Variants in PLCG2 observed in about 807,000 individuals in gnomAD.
PLCG2 encodes 1-phosphatidylinositol 4,5-bisphosphate phosphodiesterase gamma-2.
A neutral mutation model predicts 175.6 loss-of-function variants in PLCG2; 69 were observed. That is an observed-to-expected ratio of 0.39 (90% CI 0.32 to 0.48). The LOEUF (loss-of-function observed/expected upper bound fraction) is 0.48, where lower values mean the gene tolerates loss of function less well. Ranked by LOEUF, PLCG2 falls within the 20% of genes least tolerant of loss-of-function variation. PLCG2 has a pLI of 0.91. For missense variants in PLCG2, 1,798 were observed against 1,650.9 expected (o/e 1.09, Z -1.54); for synonymous variants, 827 against 624.0 (o/e 1.33, Z -4.85).
chr16:81,814,841 C>T (rs1423245421), intron 2 of PLCG2, among the ~76,000 whole-genome samples: 1 of 152,160 alleles, frequency 6.6e-6, no homozygotes, highest in Non-Finnish European at 1.5e-5. Context: ...TTTGTCTCTG[C>T]AGTGGGGATT....
intron 27 of PLCG2, 42 bp downstream of exon 27, chr16:81,936,420 G>T (rs779418251): frequency 6.5e-7 from 1 of 1,537,008 alleles, no homozygotes; most frequent in Non-Finnish European, 9.0e-7. Context: ...GCAAGGTGGC[G>T]GTTGCAGTCA....
At chr16:81,761,446 C>T (rs1043722406) in intron 2 of PLCG2, among the ~76,000 whole-genome samples, 2 of 152,154 alleles carry the variant, frequency 1.3e-5, no homozygotes, top group Non-Finnish European at 2.9e-5. Context: ...GATTATAACA[C>T]AGTACATGGG....
chr16:81,854,843 T>C (rs1441304492), intron 3 of PLCG2, among the ~76,000 whole-genome samples: 1 of 152,146 alleles, frequency 6.6e-6, no homozygotes, highest in Admixed American at 6.5e-5. Flanking sequence ...GAGGAGTATG[T>C]TAAGTGTCTC....
Position 81,907,300 on chromosome 16 carries a change from CG to C in PLCG2, c.1468-380del, listed in dbSNP as rs200135670. Among the ~76,000 whole-genome samples the C allele has an allele frequency of 8.1e-4, 119 of 147,512 alleles. 1 individual carries two copies. Among genetic ancestry groups the C allele is most frequent in the East Asian group, 5.5e-3 (28 of 5,074 alleles). ...AATAAAACCAGAGACTAAATTTCAT[CG>C]GGGGAAAAAAAAAAGAAGTCATTAA... is the stretch of plus-strand genomic sequence containing the variant. On this transcript the variant is annotated intron_variant, in intron 15 of 32. Transcript: ENST00000564138.
chr16:81,863,537 G>C (rs1907085200), intron 5 of PLCG2, among the ~76,000 whole-genome samples: 1 of 152,206 alleles, frequency 6.6e-6, no homozygotes, highest in Non-Finnish European at 1.5e-5. Flanking sequence ...TTGAGTCTCT[G>C]CTTTAAATTC....
chr16:81,945,674 G>A (rs911269242), intron 30 of PLCG2, among the ~76,000 whole-genome samples: 1 of 152,190 alleles, frequency 6.6e-6, no homozygotes, highest in Non-Finnish European at 1.5e-5. Context: ...TGTAAAGAGG[G>A]AATGGCTTTA....
chr16:81,747,732 A>G (rs1217128580), intron 1 of PLCG2, among the ~76,000 whole-genome samples: 3 of 152,140 alleles, frequency 2.0e-5, no homozygotes, highest in African/African-American at 7.2e-5. Flanking sequence ...ACCTAAATCT[A>G]TTATGAGGAA....
chr16:81,769,580 C>G (rs1910228333), intron 2 of PLCG2, among the ~76,000 whole-genome samples: 1 of 151,734 alleles, frequency 6.6e-6, no homozygotes, highest in Non-Finnish European at 1.5e-5. Context: ...TTTGGGAGGC[C>G]GAGGCGGGCG....
chr16:81,932,502 A>G (rs1430910359), intron 25 of PLCG2, among the ~76,000 whole-genome samples: 1 of 152,126 alleles, frequency 6.6e-6, no homozygotes, highest in Non-Finnish European at 1.5e-5. Context: ...GTAGAACTTG[A>G]CCCAAAGGGC....
chr16:81,888,413 G>C (rs1374678313), intron 9 of PLCG2, among the ~76,000 whole-genome samples: 1 of 152,174 alleles, frequency 6.6e-6, no homozygotes, highest in East Asian at 1.9e-4. Context: ...TTTTAGTAGA[G>C]ATGGGGTTTC....
intron 9 of PLCG2, among the ~76,000 whole-genome samples, chr16:81,885,449 G>T (rs969981682): frequency 3.9e-5 from 6 of 152,162 alleles, no homozygotes; most frequent in Non-Finnish European, 7.3e-5. Flanking sequence ...CAGATGTGAG[G>T]CACTGTGCCC....
intron 3 of PLCG2, 25 bp downstream of exon 3, chr16:81,854,612 C>T: frequency 1.2e-6 from 2 of 1,607,972 alleles, no homozygotes; most frequent in Non-Finnish European, 1.7e-6. Flanking sequence ...CTGTGCCTTT[C>T]TCCTTCCCTG....
intron 12 of PLCG2, among the ~76,000 whole-genome samples, chr16:81,895,308 C>G (rs1385440194): frequency 6.6e-6 from 1 of 152,210 alleles, no homozygotes; most frequent in Admixed American, 6.5e-5. Context: ...CGCCTGTAAT[C>G]TCAGCACTTT....
At chr16:81,946,890 CTTTGCTT>C (rs1264479485) in intron 31 of PLCG2, among the ~76,000 whole-genome samples, 26 of 17,194 alleles carry the variant, frequency 1.5e-3, no homozygotes, top group Non-Finnish European at 8.1e-4. Flanking sequence ...CATGAAGACC[CTTTGCTT>C]AGTGAAGCAG....
chr16:81,931,627 A>G lies in PLCG2; in HGVS notation c.2712A>G (p.Arg904=), dbSNP rs756154836. 6.2e-6 allele frequency: 10 copies of G among 1,613,942 alleles called. No homozygotes were observed. In the Admixed American group the frequency reaches 8.3e-5, roughly 13 times the overall value. The change falls in exon 25 of 33, where the codon CGA becomes CGG. Residue 904 remains arginine, a synonymous_variant. Transcript: ENST00000564138. The part of the protein sequence containing the change: ...EELFEWFQSI[R]EITWKIDTKE... ...TCTTTGAGTGGTTTCAGAGCATCCGAGAGATCACCTGGAAGATTGACACCA... is the reference window on the plus strand; with the variant it reads ...TCTTTGAGTGGTTTCAGAGCATCCGGGAGATCACCTGGAAGATTGACACCA...
chr16:81,930,190 A>G (rs1002933914), intron 24 of PLCG2, among the ~76,000 whole-genome samples: 2 of 152,324 alleles, frequency 1.3e-5, no homozygotes, highest in East Asian at 1.9e-4. Flanking sequence ...AAAATAAAAT[A>G]AAGATGCAAT....
intron 2 of PLCG2, among the ~76,000 whole-genome samples, chr16:81,844,502 G>C (rs1597350554): frequency 6.6e-6 from 1 of 151,558 alleles, no homozygotes. Flanking sequence ...TTGTATTTTT[G>C]GTAGAGACAG....
chr16:81,870,143 G>C (rs1315601972), intron 6 of PLCG2, among the ~76,000 whole-genome samples: 1 of 152,206 alleles, frequency 6.6e-6, no homozygotes, highest in Non-Finnish European at 1.5e-5. Flanking sequence ...AAAAGGGTAG[G>C]TCAGAAGAGG....
Position 81,961,329 on chromosome 16 carries a change from T to C in PLCG2, c.*3331T>C, listed in dbSNP as rs1040410671. On this transcript the variant is annotated 3_prime_UTR_variant, in exon 33 of 33. Coordinates refer to ENST00000564138, the MANE Select transcript of PLCG2 (RefSeq NM_002661.5). ...AATCTTAAGATGTTATCAATCTACA[T>C]AGATGAAATAATTGTGGAGAAAAGC... 53 of 225,104 alleles carry C rather than the reference T, an allele frequency of 2.4e-4. No individual in the cohort carries two copies. In the East Asian group the frequency reaches 3.4e-3, roughly 14 times the overall value. 13.9% of individuals were successfully genotyped at this position (225,104 alleles called of 1,614,324 possible).
Sources: allele counts gnomAD v4.1 joint callset (sites outside exome capture counted in the v4.1 genomes callset), GRCh38; gene constraint gnomAD v4.1.1; transcripts MANE v1.5; gene names NCBI Gene and HGNC (gene_info 2026-07-23, HGNC 2026-07-21).